Variants in COL22A1 observed in about 807,000 individuals in gnomAD.
The protein encoded by COL22A1 is collagen alpha-1(XXII) chain.
In COL22A1, 221 loss-of-function variants were observed where a neutral mutation model predicts 248.9. The observed-to-expected ratio is 0.89, with a 90% confidence interval of 0.80 to 0.99. COL22A1 has a LOEUF of 0.99. Ranked by LOEUF, COL22A1 falls within the 50% of genes least tolerant of loss-of-function variation. COL22A1 has a pLI of 0.00. For synonymous variants in COL22A1, 891 were observed against 793.4 expected, an observed-to-expected ratio of 1.12 and a Z score of -2.07; for missense variants, 2,240 against 2,179.0, an observed-to-expected ratio of 1.03 and a Z score of -0.56.
At chr8:138,675,045 A>G (rs567442146) in intron 41 of COL22A1, among the ~76,000 whole-genome samples, 10 of 152,364 alleles carry the variant, frequency 6.6e-5, no homozygotes, top group African/African-American at 1.7e-4. Flanking sequence ...GACATTCCCA[A>G]GGGCATTCCA....
intron 4 of COL22A1, among the ~76,000 whole-genome samples, chr8:138,839,595 G>A (rs1289192707): frequency 1.3e-5 from 2 of 152,154 alleles, no homozygotes; most frequent in Admixed American, 6.5e-5. Context: ...GCTGGGAACT[G>A]GAGGGCAGAG....
In COL22A1 at chr8:138,649,729, G is replaced by A. The variant is rs760272397; in HGVS notation, c.3383C>T (p.Pro1128Leu). Reference sequence around the variant, plus strand: ...GACACCTTTGTCCCCTTTAAAACCTGGTAGACCAGGGAGGCCTGGGGGGCC... The same window carrying A: ...GACACCTTTGTCCCCTTTAAAACCTAGTAGACCAGGGAGGCCTGGGGGGCC... Reference protein sequence around the residue: ...PPGPPGLPGLPGFKGDKGVPG... With the variant: ...PPGPPGLPGLLGFKGDKGVPG... The change falls in exon 46 of 65, where the codon CCA becomes CTA. Residue 1128 changes from proline (P) to leucine (L), a missense_variant. Physicochemically the swap from Pro to Leu is moderately conservative, Grantham distance 98. Transcript: ENST00000303045. The A allele has an allele frequency of 6.2e-7, 1 of 1,611,076 alleles. No homozygotes were observed. The highest frequency in any genetic ancestry group is 1.3e-5 in the African/African-American group (1 of 74,742).
intron 29 of COL22A1, 141 bp downstream of exon 29, chr8:138,716,086 C>T: frequency 7.4e-6 from 5 of 678,122 alleles, no homozygotes; most frequent in Non-Finnish European, 1.0e-5. Context: ...CCTTCCCCGT[C>T]CCTTCCATCA....
intron 4 of COL22A1, among the ~76,000 whole-genome samples, chr8:138,839,654 C>T (rs1252740134): frequency 6.6e-6 from 1 of 152,026 alleles, no homozygotes; most frequent in Non-Finnish European, 1.5e-5. Flanking sequence ...ATGGAAGAAG[C>T]AGTTGAATTG....
At chr8:138,638,842 C>A (rs1821422780) in intron 47 of COL22A1, among the ~76,000 whole-genome samples, 1 of 152,132 alleles carries the variant, frequency 6.6e-6, no homozygotes, top group African/African-American at 2.4e-5. Flanking sequence ...AATTCCAGTC[C>A]TCAGTCTGGG....
At chr8:138,862,040 A>AAAAAAAAAAAAAAAAAAAAAAAAG (rs1822515998) in intron 3 of COL22A1, among the ~76,000 whole-genome samples, 1 of 146,956 alleles carries the variant, frequency 6.8e-6, no homozygotes, top group African/African-American at 2.6e-5. Context: ...AAAAAAAAAA[A>AAAAAAAAAAAAAAAAAAAAAAAAG]AAAAAAAGAA....
intron 40 of COL22A1, 112 bp from the exon 41 acceptor site, chr8:138,676,747 C>A: frequency 1.3e-6 from 1 of 796,758 alleles, no homozygotes. Flanking sequence ...TCTCCTGCCA[C>A]CTGGCCTCCA....
intron 2 of COL22A1, among the ~76,000 whole-genome samples, chr8:138,882,137 C>A (rs185029384): frequency 1.1e-3 from 174 of 152,158 alleles, no homozygotes; most frequent in African/African-American, 3.2e-3. Flanking sequence ...GCCTCCTCCC[C>A]GAGCTCCAAA....
intron 62 of COL22A1, among the ~76,000 whole-genome samples, chr8:138,594,664 A>G (rs1299978468): frequency 6.6e-6 from 1 of 152,246 alleles, no homozygotes; most frequent in African/African-American, 2.4e-5. Context: ...CATGTGGAAT[A>G]GTGCCTGGCA....
intron 36 of COL22A1, 56 bp from the exon 37 acceptor site, chr8:138,689,026 G>A: frequency 1.4e-6 from 2 of 1,436,758 alleles, no homozygotes; most frequent in East Asian, 4.5e-5. Context: ...GTCACTCTTG[G>A]TGGCTCGTGA....
chr8:138,806,007 A>ATGGTGTAGTTAATG (rs1817597141), intron 10 of COL22A1, among the ~76,000 whole-genome samples: 1 of 14,324 alleles, frequency 7.0e-5, no homozygotes, highest in East Asian at 2.8e-3. Context: ...TGTGTGTGTG[A>ATGGTGTAGTTAATG]CGGTGTAGGT....
chr8:138,857,418 G>A (rs147942384), intron 3 of COL22A1, among the ~76,000 whole-genome samples: 24 of 152,274 alleles, frequency 1.6e-4, no homozygotes, highest in Admixed American at 2.6e-4. Flanking sequence ...GCTTCGCCTG[G>A]ACATTCACGG....
chr8:138,863,665 C>T (rs574545420), intron 3 of COL22A1, among the ~76,000 whole-genome samples: 2 of 152,286 alleles, frequency 1.3e-5, no homozygotes, highest in South Asian at 4.1e-4. Flanking sequence ...GCCTGCAGGG[C>T]TCCGTGGCTG....
chr8:138,810,939 A>C (rs1818158502), intron 9 of COL22A1, among the ~76,000 whole-genome samples: 1 of 152,170 alleles, frequency 6.6e-6, no homozygotes, highest in Admixed American at 6.5e-5. Context: ...AGAGGAACAG[A>C]TAGAGAGGGA....
chr8:138,771,041 A>T (rs555173378), intron 16 of COL22A1, among the ~76,000 whole-genome samples: 1 of 152,364 alleles, frequency 6.6e-6, no homozygotes, highest in African/African-American at 2.4e-5. Context: ...TGCAGGTTAA[A>T]TAATTCTGCA....
At chr8:138,692,926 C>T (rs530153090) in intron 35 of COL22A1, among the ~76,000 whole-genome samples, 1 of 152,256 alleles carries the variant, frequency 6.6e-6, no homozygotes, top group Non-Finnish European at 1.5e-5. Flanking sequence ...CATATCAGCA[C>T]CCTCTACCTG....
intron 18 of COL22A1, among the ~76,000 whole-genome samples, chr8:138,756,734 C>T (rs982219181): frequency 6.6e-6 from 1 of 152,104 alleles, no homozygotes; most frequent in African/African-American, 2.4e-5. Flanking sequence ...GACACACGCT[C>T]ACTGCCTTGG....
intron 23 of COL22A1, among the ~76,000 whole-genome samples, chr8:138,731,743 C>T (rs1830725657): frequency 6.6e-6 from 1 of 152,108 alleles, no homozygotes; most frequent in Non-Finnish European, 1.5e-5. Context: ...TCCCAGAAAG[C>T]TCTTGCATTT....
At chr8:138,811,460 A>T (rs1049794845) in intron 9 of COL22A1, among the ~76,000 whole-genome samples, 5 of 152,162 alleles carry the variant, frequency 3.3e-5, no homozygotes, top group Admixed American at 3.3e-4. Flanking sequence ...TGCAAAGCAC[A>T]TAGAAATCCT....
Sources: gnomAD v4.1 joint callset for allele counts (sites outside exome capture counted in the v4.1 genomes callset) on GRCh38, gnomAD v4.1.1 for gene constraint, MANE v1.5 for transcripts, NCBI Gene and HGNC (gene_info 2026-07-23, HGNC 2026-07-21) for gene names.